TSNARE1: variants seen among roughly 807,000 people sequenced by gnomAD.
TSNARE1 encodes the protein t-SNARE domain containing 1, also known as t-SNARE domain-containing protein 1.
A neutral mutation model predicts 62.0 loss-of-function variants in TSNARE1; 49 were observed. The ratio of observed to expected loss-of-function variants is 0.79; its 90% CI spans 0.63 to 1.00. TSNARE1 has a LOEUF of 1.00. Ranked by LOEUF, TSNARE1 falls within the 50% of genes least tolerant of loss-of-function variation. The pLI, the probability that TSNARE1 is intolerant of heterozygous loss-of-function variation, is 0.00. For synonymous variants in TSNARE1, 328 were observed against 294.4 expected, an observed-to-expected ratio of 1.11 and a Z score of -1.17; for missense variants, 755 against 700.1, an observed-to-expected ratio of 1.08 and a Z score of -0.88.
At chr8:142,324,643 A>G (rs184417573) in intron 6 of TSNARE1, among the ~76,000 whole-genome samples, 1 of 152,348 alleles carries the variant, frequency 6.6e-6, no homozygotes, top group East Asian at 1.9e-4. Context: ...TGTGTTTTAC[A>G]GACGAAGACA....
intron 7 of TSNARE1, among the ~76,000 whole-genome samples, chr8:142,317,078 C>T (rs769490449): frequency 2.6e-5 from 4 of 151,816 alleles, no homozygotes; most frequent in Non-Finnish European, 2.9e-5. Context: ...ACACATGAAG[C>T]GGGTATGGCC....
chr8:142,274,136 G>A (rs1239374028), intron 12 of TSNARE1: 2 of 985,296 alleles, frequency 2.0e-6, no homozygotes, highest in East Asian at 1.1e-4. Flanking sequence ...AACAGGCTCT[G>A]GTCATCTCTG....
chr8:142,348,907 G>A (rs982262601), intron 2 of TSNARE1, among the ~76,000 whole-genome samples: 8 of 152,172 alleles, frequency 5.3e-5, no homozygotes, highest in Admixed American at 2.0e-4. Context: ...CGGCCCTAAG[G>A]TGCTGCACAG....
At chr8:142,332,331 G>A (rs960078133) in intron 4 of TSNARE1, among the ~76,000 whole-genome samples, 4 of 152,164 alleles carry the variant, frequency 2.6e-5, no homozygotes, top group African/African-American at 7.2e-5. Context: ...AAGGCCACAC[G>A]CCGCACGGTT....
chr8:142,343,739 G>C lies in TSNARE1; in HGVS notation c.745+227C>G, dbSNP rs529173649. Among the ~76,000 whole-genome samples, 382 of 121,836 alleles carry C rather than the reference G, an allele frequency of 3.1e-3. 1 individual carries two copies. Among genetic ancestry groups the C allele is most frequent in the Non-Finnish European group, 4.6e-3 (291 of 62,616 alleles). 79.9% of individuals were successfully genotyped at this position (121,836 alleles called of 152,430 possible). On this transcript the variant is annotated intron_variant, in intron 4 of 13. Coordinates refer to ENST00000524325, the MANE Select transcript of TSNARE1 (RefSeq NM_145003.5). Reference sequence around the variant, plus strand: ...GAACAAGAACACTCCAGATGAGACAGTGGTGATGGGGAGTGGGGGGAGGAG... The same window carrying C: ...GAACAAGAACACTCCAGATGAGACACTGGTGATGGGGAGTGGGGGGAGGAG...
intron 1 of TSNARE1, among the ~76,000 whole-genome samples, chr8:142,363,622 C>A (rs911686986): frequency 7.9e-5 from 12 of 152,268 alleles, no homozygotes; most frequent in Admixed American, 3.9e-4. Flanking sequence ...GCCCAGCCTG[C>A]CACTCACCCT....
At chr8:142,293,304 G>A (rs987865683) in intron 10 of TSNARE1, among the ~76,000 whole-genome samples, 3 of 152,230 alleles carry the variant, frequency 2.0e-5, no homozygotes, top group Admixed American at 6.5e-5. Flanking sequence ...CAGAGGGCCG[G>A]GACGCTTGAA....
intron 12 of TSNARE1, among the ~76,000 whole-genome samples, chr8:142,256,389 CA>C (rs1818572313): frequency 7.3e-6 from 1 of 136,222 alleles, no homozygotes; most frequent in African/African-American, 2.6e-5. Context: ...TCATCATCAC[CA>C]ATACCACCAG....
chr8:142,315,863 T>C (rs1258138371), intron 7 of TSNARE1, among the ~76,000 whole-genome samples: 1 of 152,212 alleles, frequency 6.6e-6, no homozygotes, highest in Admixed American at 6.5e-5. Flanking sequence ...ACCACAGCCT[T>C]GACCTCTTCC....
intron 2 of TSNARE1, among the ~76,000 whole-genome samples, chr8:142,351,243 A>C (rs1834060330): frequency 6.6e-6 from 1 of 152,266 alleles, no homozygotes; most frequent in Non-Finnish European, 1.5e-5. Flanking sequence ...TTCCACATTT[A>C]GAAAATTAAA....
intron 10 of TSNARE1, 33 bp from the exon 11 acceptor site, chr8:142,284,518 A>G (rs1172739185): frequency 1.3e-6 from 2 of 1,590,572 alleles, no homozygotes; most frequent in Non-Finnish European, 1.7e-6. Flanking sequence ...CATCAGGAGC[A>G]GGGCTGTGGG....
At chr8:142,354,805 TG>T in intron 1 of TSNARE1, 42 bp from the exon 2 acceptor site, 1 of 1,212,226 alleles carries the variant, frequency 8.2e-7, no homozygotes. Context: ...GGGGAAGACA[TG>T]GGGATTAAAG....
chr8:142,279,849 G>A, intron 11 of TSNARE1: 1 of 1,027,454 alleles, frequency 9.7e-7, no homozygotes, highest in Non-Finnish European at 1.2e-6. Context: ...CTGTGGGGAA[G>A]GCCCACTTAC....
intron 12 of TSNARE1, among the ~76,000 whole-genome samples, chr8:142,246,224 C>A (rs1817879345): frequency 6.6e-6 from 1 of 152,092 alleles, no homozygotes; most frequent in Non-Finnish European, 1.5e-5. Context: ...TGTAGCCACC[C>A]CTACCCCCAT....
intron 11 of TSNARE1, chr8:142,275,403 T>C (rs67717665): frequency 0.1 from 103,218 of 985,084 alleles, 6,070 homozygotes; most frequent in East Asian, 0.33. Flanking sequence ...TCACGGGAGA[T>C]GGTACCTGGG....
chr8:142,302,399 C>T (rs1302548523), intron 9 of TSNARE1, among the ~76,000 whole-genome samples: 2 of 152,160 alleles, frequency 1.3e-5, no homozygotes, highest in Admixed American at 6.5e-5. Flanking sequence ...GGGGGCTGTG[C>T]CGGTCCCGAT....
At position 142,328,126 on chromosome 8, in the gene TSNARE1, T is replaced by A. The variant is rs895992806; in HGVS notation, c.893+2775A>T. ...TCCTCTTCAAAGTTTCCCTTCTTAC[T>A]AAAGAATATATCATAGGTGTTAGAA... On this transcript the variant is annotated intron_variant, in intron 6 of 13. Transcript: ENST00000524325. Among the ~76,000 whole-genome samples the A allele has an allele frequency of 4.0e-5, 6 of 151,888 alleles. No homozygotes were observed. The South Asian group carries it at 6.2e-4, about 16-fold the overall frequency.
chr8:142,336,956 T>C (rs1317637982), intron 4 of TSNARE1, among the ~76,000 whole-genome samples: 1 of 151,736 alleles, frequency 6.6e-6, no homozygotes, highest in African/African-American at 2.4e-5. Context: ...AATAACTGAA[T>C]GAAATAAAAA....
chr8:142,302,060 G>T (rs1208987153), intron 9 of TSNARE1, among the ~76,000 whole-genome samples: 2 of 152,124 alleles, frequency 1.3e-5, no homozygotes, highest in Non-Finnish European at 1.5e-5. Context: ...CATGCTCCTG[G>T]GGCACCGTAA....
Sources: allele counts gnomAD v4.1 joint callset (sites outside exome capture counted in the v4.1 genomes callset), GRCh38; gene constraint gnomAD v4.1.1; transcripts MANE v1.5; gene names NCBI Gene and HGNC (gene_info 2026-07-23, HGNC 2026-07-21).